Variants in NAPEPLD observed in about 807,000 individuals in gnomAD.
NAPEPLD encodes N-acyl-phosphatidylethanolamine-hydrolyzing phospholipase D.
Under a neutral mutation model 38.1 loss-of-function variants are expected in NAPEPLD, and 23 were observed. That is an observed-to-expected ratio of 0.60 (90% CI 0.43 to 0.86). NAPEPLD has a LOEUF of 0.86. Among genes scored for constraint, NAPEPLD ranks in the 40% least tolerant of loss-of-function variants. NAPEPLD has a pLI of 0.00. For synonymous variants in NAPEPLD, 147 were observed against 162.0 expected, an observed-to-expected ratio of 0.91 and a Z score of 0.71; for missense variants, 411 against 476.8, an observed-to-expected ratio of 0.86 and a Z score of 1.28.
At chr7:103,141,488 C>A in intron 1 of NAPEPLD, 3 of 1,390,460 alleles carry the variant, frequency 2.2e-6, no homozygotes, top group South Asian at 2.3e-5. Flanking sequence ...GAGCTTCTTG[C>A]GGGCCTTGTC....
At chr7:103,136,388 A>C (rs1395840136) in intron 1 of NAPEPLD, among the ~76,000 whole-genome samples, 2 of 148,142 alleles carry the variant, frequency 1.4e-5, no homozygotes, top group African/African-American at 4.9e-5. Context: ...CCTGGCTAAC[A>C]TGGCAAAACC....
At chr7:103,119,218 T>A (rs916089369) in intron 3 of NAPEPLD, among the ~76,000 whole-genome samples, 2 of 152,126 alleles carry the variant, frequency 1.3e-5, no homozygotes, top group Non-Finnish European at 2.9e-5. Flanking sequence ...TTTTGAGTAA[T>A]TTTTTTAACT....
At chr7:103,141,242 T>G (rs1217132342) in intron 1 of NAPEPLD, 3 of 7,258 alleles carry the variant, frequency 4.1e-4, no homozygotes, top group African/African-American at 3.7e-4. Flanking sequence ...GTGGAGTTGT[T>G]TTTTTTTTTT....
intron 1 of NAPEPLD, among the ~76,000 whole-genome samples, chr7:103,145,140 C>T (rs546619177): frequency 1.7e-3 from 251 of 152,060 alleles, no homozygotes; most frequent in South Asian, 4.2e-3. Context: ...TAAATGTGTG[C>T]GCAGTTTAAA....
At chr7:103,143,985 T>C (rs534348830) in intron 1 of NAPEPLD, among the ~76,000 whole-genome samples, 2 of 152,328 alleles carry the variant, frequency 1.3e-5, no homozygotes, top group Non-Finnish European at 2.9e-5. Flanking sequence ...ACCTGGTCCA[T>C]TTATCATTTA....
In NAPEPLD at chr7:103,131,657, C is replaced by T. The variant is rs142454845; in HGVS notation, c.-16-2865G>A. ...CCTGGGTGACAGTGAGACTCTGTCT[C>T]AAGGGGAAAAAAAAAAAAAGCAAGG... On this transcript the variant is annotated intron_variant, in intron 1 of 4. Transcript: ENST00000465647. 4.8e-3 allele frequency among the ~76,000 whole-genome samples: 676 copies of T among 141,464 alleles called. 3 individuals are homozygous for T. The highest frequency in any genetic ancestry group is 0.017 in the African/African-American group (637 of 36,950). The allele number at this position is 141,464 out of a possible 152,430, so 92.8% of individuals were successfully genotyped here. A position where few individuals can be genotyped will look rare whatever the true frequency, so the allele number is the denominator to read the frequency against.
chr7:103,110,907 A>AC (rs1438463355), intron 4 of NAPEPLD, among the ~76,000 whole-genome samples: 1 of 22,636 alleles, frequency 4.4e-5, no homozygotes, highest in African/African-American at 4.8e-5. Flanking sequence ...TCAATGTATC[A>AC]CAGCATTCCT....
intron 1 of NAPEPLD, among the ~76,000 whole-genome samples, chr7:103,134,193 T>C (rs1809559658): frequency 6.6e-6 from 1 of 152,160 alleles, no homozygotes; most frequent in South Asian, 2.1e-4. Context: ...CTCTTGATAA[T>C]TAAATATAAT....
intron 3 of NAPEPLD, among the ~76,000 whole-genome samples, chr7:103,118,264 A>C (rs1047260602): frequency 2.1e-4 from 32 of 152,260 alleles, no homozygotes; most frequent in Non-Finnish European, 4.7e-4. Context: ...GATTTGTAAC[A>C]GTTCTAAAAA....
chr7:103,127,824 C>T (rs1390780915), intron 2 of NAPEPLD: 1 of 152,236 alleles, frequency 6.6e-6, no homozygotes, highest in African/African-American at 2.4e-5. Context: ...TATTGATATA[C>T]TCAATGTAAA....
intron 1 of NAPEPLD, among the ~76,000 whole-genome samples, chr7:103,139,029 A>AT (rs1303152531): frequency 6.6e-6 from 1 of 152,218 alleles, no homozygotes; most frequent in Non-Finnish European, 1.5e-5. Flanking sequence ...CTGGCAAGGG[A>AT]TAAGCGAAGT....
At chr7:103,146,146 A>G (rs1437987330) in intron 1 of NAPEPLD, among the ~76,000 whole-genome samples, 2 of 152,184 alleles carry the variant, frequency 1.3e-5, no homozygotes, top group African/African-American at 4.8e-5. Context: ...AATAACTTTC[A>G]AAACTAATGA....
At chr7:103,128,462 C>T (rs1280551988) in intron 2 of NAPEPLD, 21 bp downstream of exon 2, 2 of 1,611,618 alleles carry the variant, frequency 1.2e-6, no homozygotes, top group Admixed American at 3.4e-5. Context: ...ATATAAAGCA[C>T]TCAAAAAAGC....
intron 2 of NAPEPLD, 144 bp from the exon 3 acceptor site, chr7:103,120,367 C>G: frequency 1.2e-6 from 1 of 836,888 alleles, no homozygotes; most frequent in South Asian, 2.1e-5. Flanking sequence ...TACACTTTTG[C>G]TTTTTTCTTG....
At chr7:103,135,369 C>T (rs1366831632) in intron 1 of NAPEPLD, among the ~76,000 whole-genome samples, 1 of 152,090 alleles carries the variant, frequency 6.6e-6, no homozygotes, top group African/African-American at 2.4e-5. Flanking sequence ...TAAACTGTTC[C>T]CATCCTTCAC....
intron 1 of NAPEPLD, among the ~76,000 whole-genome samples, chr7:103,138,440 G>A (rs754009303): frequency 3.1e-4 from 46 of 150,448 alleles, no homozygotes; most frequent in Admixed American, 1.1e-3. Flanking sequence ...CTTCAGTCCA[G>A]TTCCCACTTT....
Position 103,108,134 on chromosome 7 carries a change from CTTTTTTTTTTTT to C in NAPEPLD, c.1057-4592_1057-4581del, listed in dbSNP as rs56793237. On this transcript the variant is annotated intron_variant, in intron 4 of 4. Coordinates refer to ENST00000465647, the MANE Select transcript of NAPEPLD (RefSeq NM_001122838.3). ...AGAGTAGGGGCCAATATTCAACATT[CTTTTTTTTTTTT>C]TTTTTTTTTTTTTTGAGATGGAGTC... Among the ~76,000 whole-genome samples, 116 of 117,504 alleles carry C rather than the reference CTTTTTTTTTTTT, an allele frequency of 9.9e-4. 1 individual carries two copies. Among genetic ancestry groups the C allele is most frequent in the African/African-American group, 3.0e-3 (90 of 30,202 alleles). The allele number at this position is 117,504 out of a possible 152,430, so 77.1% of individuals were successfully genotyped here.
At chr7:103,126,386 G>T (rs1279705525) in intron 2 of NAPEPLD, among the ~76,000 whole-genome samples, 1 of 152,138 alleles carries the variant, frequency 6.6e-6, no homozygotes, top group Non-Finnish European at 1.5e-5. Flanking sequence ...AAACCATAAA[G>T]CTAGTCTAGA....
At chr7:103,109,067 A>G (rs1212613791) in intron 4 of NAPEPLD, among the ~76,000 whole-genome samples, 1 of 152,248 alleles carries the variant, frequency 6.6e-6, no homozygotes, top group East Asian at 1.9e-4. Context: ...CACCCAATAC[A>G]GGAGCACCCA....
Sources: gnomAD v4.1 joint callset for allele counts (sites outside exome capture counted in the v4.1 genomes callset) on GRCh38, gnomAD v4.1.1 for gene constraint, MANE v1.5 for transcripts, NCBI Gene and HGNC (gene_info 2026-07-23, HGNC 2026-07-21) for gene names.